Variants in C22orf31 observed in about 807,000 individuals in gnomAD.
C22orf31 encodes uncharacterized protein C22orf31.
In C22orf31, 11 loss-of-function variants were observed where a neutral mutation model predicts 15.0. The observed-to-expected ratio is 0.73, with a 90% CI of 0.46 to 1.21. The LOEUF is 1.21. Ranked by LOEUF, C22orf31 falls within the 50% of genes most tolerant of loss-of-function variation. The pLI, the probability that C22orf31 is intolerant of heterozygous loss-of-function variation, is 0.00. For synonymous variants in C22orf31, 132 were observed against 133.3 expected, an observed-to-expected ratio of 0.99 and a Z score of 0.07; for missense variants, 340 against 347.2, an observed-to-expected ratio of 0.98 and a Z score of 0.17.
chr22:29,064,196 G>C (rs905414093), upstream of C22orf31, among the ~76,000 whole-genome samples: 10 of 152,132 alleles, frequency 6.6e-5, no homozygotes, highest in African/African-American at 2.4e-4. Flanking sequence ...AACACTCACA[G>C]TTATCACCGT....
At chr22:29,067,870 C>T in the C22orf31 span, among the ~76,000 whole-genome samples, 1 of 152,202 alleles carries the variant, frequency 6.6e-6, no homozygotes, top group African/African-American at 2.4e-5. Flanking sequence ...CTCAGCTTCC[C>T]GAGGTACTGG....
At chr22:29,059,631 C>A (rs927502315) in intron 2 of C22orf31, 1 of 950,068 alleles carries the variant, frequency 1.1e-6, no homozygotes, top group Admixed American at 6.2e-5. Flanking sequence ...AATTACAGTC[C>A]GAGTTGGGAT....
chr22:29,070,238 C>T, the C22orf31 span, among the ~76,000 whole-genome samples: 20 of 152,318 alleles, frequency 1.3e-4, no homozygotes, highest in African/African-American at 4.1e-4. Flanking sequence ...TGAGCCACAG[C>T]GCCTGGCCTG....
At chr22:29,060,348 G>T in intron 2 of C22orf31, 67 bp downstream of exon 2, 1 of 1,406,956 alleles carries the variant, frequency 7.1e-7, no homozygotes, top group Non-Finnish European at 9.8e-7. Context: ...ACCGTTAAGT[G>T]TTCTCTGGCT....
chr22:29,059,799 C>A (rs1267060292), intron 2 of C22orf31: 5 of 985,022 alleles, frequency 5.1e-6, no homozygotes, highest in East Asian at 1.1e-4. Context: ...CATGCACTAC[C>A]CATATCCTAG....
At chr22:29,072,931 CG>C in the C22orf31 span, 1 of 151,552 alleles carries the variant, frequency 6.6e-6, no homozygotes, top group Non-Finnish European at 1.5e-5. Context: ...CTCCGCCCCC[CG>C]GGCCTCTCCG....
At chr22:29,061,707 A>G (rs375416767) in intron 1 of C22orf31, 83 bp downstream of exon 1, 2 of 1,083,570 alleles carry the variant, frequency 1.8e-6, no homozygotes, top group South Asian at 1.5e-5. Context: ...GAGCAACAGA[A>G]CAATTTGGAT....
upstream of C22orf31, among the ~76,000 whole-genome samples, chr22:29,063,706 C>CTTTATTAG (rs1601733637): frequency 2.0e-5 from 3 of 152,268 alleles, no homozygotes; most frequent in East Asian, 3.9e-4. Context: ...ACTGTTCTAG[C>CTTTATTAG]CACTTTATTA....
At chr22:29,066,519 T>C (rs984265338), upstream of C22orf31, among the ~76,000 whole-genome samples, 1 of 148,194 alleles carries the variant, frequency 6.7e-6, no homozygotes, top group African/African-American at 2.5e-5. Flanking sequence ...TTTCTTTCTT[T>C]CTTTCTTTTC....
upstream of C22orf31, among the ~76,000 whole-genome samples, chr22:29,062,026 T>A (rs2037396806): frequency 6.6e-6 from 1 of 152,312 alleles, no homozygotes; most frequent in African/African-American, 2.4e-5. Flanking sequence ...CTTTGGTTTG[T>A]GATGTGGGTG....
At chr22:29,059,260 C>T in intron 2 of C22orf31, 78 bp from the exon 3 acceptor site, 1 of 1,151,444 alleles carries the variant, frequency 8.7e-7, no homozygotes, top group Non-Finnish European at 1.2e-6. Context: ...GATTTGTGTC[C>T]CAGAGTCTTG....
chr22:29,063,606 C>G (rs2037410572), upstream of C22orf31, among the ~76,000 whole-genome samples: 1 of 152,342 alleles, frequency 6.6e-6, no homozygotes, highest in South Asian at 2.1e-4. Flanking sequence ...CCTCAGCCTT[C>G]CTTAGAACTA....
chr22:29,060,387 A>G (rs2037377264), intron 2 of C22orf31, 28 bp downstream of exon 2: 2 of 1,586,554 alleles, frequency 1.3e-6, no homozygotes. Context: ...CGCCAGTCAC[A>G]TTTTCCCCAC....
chr22:29,060,392 C>T (rs2037377334), intron 2 of C22orf31, 23 bp downstream of exon 2: 3 of 1,592,184 alleles, frequency 1.9e-6, no homozygotes, highest in African/African-American at 2.7e-5. Flanking sequence ...GTCACATTTT[C>T]CCCACCACTG....
chr22:29,067,745 A>G, the C22orf31 span, among the ~76,000 whole-genome samples: 1 of 152,016 alleles, frequency 6.6e-6, no homozygotes, highest in Non-Finnish European at 1.5e-5. Context: ...TGCCCAGGCT[A>G]TTATTATTAA....
upstream of C22orf31, among the ~76,000 whole-genome samples, chr22:29,064,846 G>GTTATTTTTTACTTAT (rs2037418749): frequency 2.0e-5 from 3 of 149,732 alleles, no homozygotes; most frequent in South Asian, 6.4e-4. Flanking sequence ...CCATGTGAAA[G>GTTATTTTTTACTTAT]TTATTTTTTA....
chr22:29,062,856 G>A (rs548810526), upstream of C22orf31, among the ~76,000 whole-genome samples: 18 of 152,174 alleles, frequency 1.2e-4, no homozygotes, highest in African/African-American at 1.9e-4. Flanking sequence ...GAGCTGGGTC[G>A]ATTTTAGAGC....
intron 2 of C22orf31, 144 bp from the exon 3 acceptor site, chr22:29,059,326 T>C: frequency 3.0e-6 from 2 of 668,106 alleles, no homozygotes; most frequent in Middle Eastern, 3.6e-4. Context: ...AATTCCTTTA[T>C]GTACATACCA....
At position 29,059,142 on chromosome 22, in the gene C22orf31, T is replaced by C. The variant is rs751143451; in HGVS notation, c.473A>G (p.Gln158Arg). ...TTCAGCATATCTGTCCTCAAGATCT[T>C]GGCGGACTGTTAGTTTTTTCTCCTT... Reference protein sequence around the residue: ...SSKEKKLTVRQDLEDRYAEHV... With the variant: ...SSKEKKLTVRRDLEDRYAEHV... The change falls in exon 3 of 3, where the codon CAA becomes CGA. Residue 158 changes from glutamine (Q) to arginine (R), a missense_variant. Coordinates refer to ENST00000216071, the MANE Select transcript of C22orf31 (RefSeq NM_015370.2). 5 of 1,612,478 alleles carry C rather than the reference T, an allele frequency of 3.1e-6. No individual in the cohort carries two copies. Among genetic ancestry groups the C allele is most frequent in the Non-Finnish European group, 4.2e-6 (5 of 1,179,428 alleles).
Sources: gnomAD v4.1 joint callset for allele counts (sites outside exome capture counted in the v4.1 genomes callset) on GRCh38, gnomAD v4.1.1 for gene constraint, MANE v1.5 for transcripts, NCBI Gene and HGNC (gene_info 2026-07-23, HGNC 2026-07-21) for gene names.